The following AATF variants were observed in gnomAD, a reference collection of about 807,000 sequenced individuals.
AATF encodes protein AATF.
In AATF, 48 loss-of-function variants were observed where a neutral mutation model predicts 63.7. That is an observed-to-expected ratio of 0.75 (90% confidence interval 0.60 to 0.96). The LOEUF (loss-of-function observed/expected upper bound fraction) is 0.96. Among genes scored for constraint, AATF ranks in the 40% least tolerant of loss-of-function variants. The pLI is 0.00. For missense variants in AATF, 639 were observed against 685.7 expected (o/e 0.93, Z 0.76); for synonymous variants, 258 against 247.7 (o/e 1.04, Z -0.39).
At chr17:36,971,830 T>C (rs2071041830) in intron 4 of AATF, among the ~76,000 whole-genome samples, 1 of 152,248 alleles carries the variant, frequency 6.6e-6, no homozygotes, top group Non-Finnish European at 1.5e-5. Flanking sequence ...TCCATTTATA[T>C]GACATTCTGG....
At chr17:36,984,641 C>T (rs1440915833) in intron 4 of AATF, among the ~76,000 whole-genome samples, 6 of 151,940 alleles carry the variant, frequency 3.9e-5, no homozygotes, top group African/African-American at 9.7e-5. Flanking sequence ...TTGTTTTTTG[C>T]GGGGAGATTT....
chr17:36,950,427 G>GAA (rs750372438), intron 2 of AATF, 22 bp downstream of exon 2: 1 of 1,604,360 alleles, frequency 6.2e-7, no homozygotes, highest in Non-Finnish European at 8.5e-7. Flanking sequence ...TTTTTGAATG[G>GAA]AACTCTTCTC....
At chr17:36,992,193 C>T (rs2071220775) in intron 8 of AATF, among the ~76,000 whole-genome samples, 1 of 152,034 alleles carries the variant, frequency 6.6e-6, no homozygotes. Flanking sequence ...TGGTCTTGCC[C>T]TAAAAAGAGA....
chr17:37,032,708 AT>A (rs2071561061), intron 11 of AATF, among the ~76,000 whole-genome samples: 1 of 152,086 alleles, frequency 6.6e-6, no homozygotes, highest in Admixed American at 6.5e-5. Context: ...CCCTTTCAGT[AT>A]TTTCCTGTTT....
chr17:37,037,015 T>TG (rs1422708488), intron 11 of AATF, among the ~76,000 whole-genome samples: 1 of 151,216 alleles, frequency 6.6e-6, no homozygotes, highest in Non-Finnish European at 1.5e-5. Context: ...TTTTTGTTTT[T>TG]TTTTTTTTTT....
At chr17:37,021,697 C>T (rs1241439798) in intron 10 of AATF, among the ~76,000 whole-genome samples, 2 of 82,178 alleles carry the variant, frequency 2.4e-5, no homozygotes, top group African/African-American at 1.5e-4. Flanking sequence ...CCCAGCTACT[C>T]GGGAGGCTGA....
At chr17:37,021,124 G>A (rs749445491) in intron 10 of AATF, 110 bp downstream of exon 10, 50 of 770,864 alleles carry the variant, frequency 6.5e-5, no homozygotes, top group Non-Finnish European at 9.0e-5. Context: ...CTGTTTTTAA[G>A]GATCAGAAAA....
At chr17:37,023,926 C>T (rs2071492174) in intron 10 of AATF, among the ~76,000 whole-genome samples, 1 of 152,070 alleles carries the variant, frequency 6.6e-6, no homozygotes, top group Admixed American at 6.6e-5. Context: ...ATAACCTACA[C>T]ACATCCTCCC....
chr17:36,953,935 A>G (rs951747516), intron 4 of AATF, 28 bp downstream of exon 4: 1 of 1,602,612 alleles, frequency 6.2e-7, no homozygotes, highest in African/African-American at 1.3e-5. Flanking sequence ...CTGTTGGAAT[A>G]CTTAGAACCA....
At chr17:37,004,043 T>G (rs1035695605) in intron 8 of AATF, among the ~76,000 whole-genome samples, 4 of 151,942 alleles carry the variant, frequency 2.6e-5, no homozygotes, top group African/African-American at 9.7e-5. Flanking sequence ...AGGTAGAGGT[T>G]GCAGACTTTT....
chr17:37,050,937 A>T lies in AATF; in HGVS notation c.1620-5664A>T, dbSNP rs148193406. Among the ~76,000 whole-genome samples the T allele has an allele frequency of 5.0e-3, 755 of 152,254 alleles. 2 individuals carry two copies. Among genetic ancestry groups the T allele is most frequent in the Admixed American group, 5.8e-3 (89 of 15,298 alleles). ...AAAGGCAAATTATGTGTATCATTTT[A>T]TGTATTTATTTATTTTTAATAGAGA... On this transcript the variant is annotated intron_variant, in intron 11 of 11. Transcript: ENST00000619387.
Position 36,988,545 on chromosome 17 carries a change from A to G in AATF, c.974A>G (p.Glu325Gly), listed in dbSNP as rs781239215. The G allele has an allele frequency of 1.2e-6, 2 of 1,614,114 alleles. No individual in the cohort carries two copies. The highest frequency in any genetic ancestry group is 1.7e-6 in the Non-Finnish European group (2 of 1,180,010). Residue 325 changes from glutamate (E) to glycine (G), a missense_variant, in exon 6 of 12, where the codon GAG (glutamate) becomes GGG (glycine). Glu to Gly is a moderately conservative substitution (Grantham distance 98). Coordinates refer to ENST00000619387, the MANE Select transcript of AATF (RefSeq NM_012138.4). ...GAGGAGATTTCTAGTGAAGATGATG[A>G]GCTGGTAGAAGAGAAGAAGCAGCAA... ...GSEEISSEDD[E>G]LVEEKKQQRR...
intron 8 of AATF, among the ~76,000 whole-genome samples, chr17:36,995,768 G>A (rs924343871): frequency 6.6e-6 from 1 of 151,574 alleles, no homozygotes; most frequent in Non-Finnish European, 1.5e-5. Flanking sequence ...GGGTTTTGCT[G>A]TGTTGCCCAG....
Position 37,031,661 on chromosome 17 carries a change from A to G in AATF, c.1595A>G (p.His532Arg), listed in dbSNP as rs1381861671. Residue 532 changes from histidine to arginine, a missense_variant, in exon 11 of 12, where the codon CAT (histidine) becomes CGT (arginine). Transcript: ENST00000619387. Reference sequence around the variant, plus strand: ...CTGAGTTTCATGGCACCTATTGACCATACTACAATGAATGATGATGCCAGG... The same window carrying G: ...CTGAGTTTCATGGCACCTATTGACCGTACTACAATGAATGATGATGCCAGG... ...KLLSFMAPIDHTTMNDDARTE... is the reference protein window; with the variant it reads ...KLLSFMAPIDRTTMNDDARTE... 5.0e-6 allele frequency: 8 copies of G among 1,614,182 alleles called. No homozygotes were observed. Among genetic ancestry groups the G allele is most frequent in the Non-Finnish European group, 6.8e-6 (8 of 1,179,998 alleles).
chr17:37,001,758 A>G (rs967206443), intron 8 of AATF, among the ~76,000 whole-genome samples: 3 of 152,230 alleles, frequency 2.0e-5, no homozygotes, highest in Non-Finnish European at 4.4e-5. Context: ...TTCTCCTGAG[A>G]TTAGGAACAA....
chr17:36,951,759 G>A (rs949366484), intron 2 of AATF, among the ~76,000 whole-genome samples: 8 of 152,140 alleles, frequency 5.3e-5, no homozygotes, highest in African/African-American at 1.9e-4. Context: ...AATAATTTCT[G>A]TTTACTGTTT....
intron 4 of AATF, among the ~76,000 whole-genome samples, chr17:36,971,599 AC>A (rs1276072930): frequency 5.6e-4 from 85 of 152,326 alleles, no homozygotes; most frequent in African/African-American, 2.0e-3. Flanking sequence ...AAAAATGAAG[AC>A]ATACATTCAC....
chr17:36,968,680 G>A (rs1199217506), intron 4 of AATF, among the ~76,000 whole-genome samples: 1 of 150,446 alleles, frequency 6.6e-6, no homozygotes, highest in African/African-American at 2.5e-5. Flanking sequence ...GGAGTACAGT[G>A]GTGTGATCAT....
intron 11 of AATF, among the ~76,000 whole-genome samples, chr17:37,042,402 C>CT (rs1014023749): frequency 1.3e-3 from 197 of 149,772 alleles, no homozygotes; most frequent in African/African-American, 4.4e-3. Context: ...GAGTCCAGGT[C>CT]TTTTTTTTTG....
Sources: gnomAD v4.1 joint callset for allele counts (sites outside exome capture counted in the v4.1 genomes callset) on GRCh38, gnomAD v4.1.1 for gene constraint, MANE v1.5 for transcripts, NCBI Gene and HGNC (gene_info 2026-07-23, HGNC 2026-07-21) for gene names.